Variants in MAP3K1 observed in about 807,000 individuals in gnomAD.
MAP3K1 encodes the protein mitogen-activated protein kinase kinase kinase 1.
Under a neutral mutation model 144.2 loss-of-function variants are expected in MAP3K1, and 36 were observed. That is an observed-to-expected ratio of 0.25 (90% CI 0.19 to 0.33). The LOEUF is 0.33. Among genes scored for constraint, MAP3K1 ranks in the 10% least tolerant of loss-of-function variants. MAP3K1 has a pLI of 1.00. For missense variants in MAP3K1, 1,650 were observed against 1,881.9 expected (o/e 0.88, Z 2.28); for synonymous variants, 718 against 688.7 (o/e 1.04, Z -0.67).
At chr5:56,878,350 AGATGACGGGTC>A (rs1748102775) in intron 10 of MAP3K1, among the ~76,000 whole-genome samples, 1 of 152,160 alleles carries the variant, frequency 6.6e-6, no homozygotes, top group South Asian at 2.1e-4. Flanking sequence ...TACCTAATGT[AGATGACGGGTC>A]GATGGATGCA....
intron 1 of MAP3K1, among the ~76,000 whole-genome samples, chr5:56,830,393 C>T (rs1431157669): frequency 6.6e-6 from 1 of 152,116 alleles, no homozygotes; most frequent in African/African-American, 2.4e-5. Flanking sequence ...TACTTTCCCT[C>T]TCTCTTTCTT....
intron 1 of MAP3K1, among the ~76,000 whole-genome samples, chr5:56,850,203 T>C (rs531738260): frequency 1.2e-4 from 18 of 152,324 alleles, no homozygotes; most frequent in African/African-American, 3.4e-4. Context: ...CTCAGTAATA[T>C]GGCTTATGAG....
chr5:56,870,836 C>T (rs866552416), intron 6 of MAP3K1, among the ~76,000 whole-genome samples: 3 of 151,978 alleles, frequency 2.0e-5, no homozygotes, highest in Non-Finnish European at 2.9e-5. Flanking sequence ...AAATATGTAG[C>T]GATAACATCC....
intron 1 of MAP3K1, among the ~76,000 whole-genome samples, chr5:56,821,816 C>T (rs1746160880): frequency 6.6e-6 from 1 of 152,144 alleles, no homozygotes; most frequent in South Asian, 2.1e-4. Context: ...TTCTTTGCAC[C>T]ATCTCCCAGC....
chr5:56,832,865 T>TTTTTG (rs1382797805), intron 1 of MAP3K1, among the ~76,000 whole-genome samples: 73 of 152,278 alleles, frequency 4.8e-4, no homozygotes, highest in African/African-American at 1.8e-3. Context: ...GCATTTTAAG[T>TTTTTG]TTTTGTTTTG....
intron 1 of MAP3K1, among the ~76,000 whole-genome samples, chr5:56,846,896 C>T (rs1483313916): frequency 6.6e-6 from 1 of 152,138 alleles, no homozygotes; most frequent in African/African-American, 2.4e-5. Context: ...CAGAACATCT[C>T]AATTCTATTA....
At chr5:56,841,460 T>C (rs772304191) in intron 1 of MAP3K1, among the ~76,000 whole-genome samples, 4 of 152,178 alleles carry the variant, frequency 2.6e-5, no homozygotes, top group Non-Finnish European at 4.4e-5. Context: ...ACAAGGGGTC[T>C]GCAGATCCAC....
At chr5:56,824,370 ATGT>A (rs1231176503) in intron 1 of MAP3K1, among the ~76,000 whole-genome samples, 2 of 152,226 alleles carry the variant, frequency 1.3e-5, no homozygotes, top group African/African-American at 4.8e-5. Context: ...CTTATTTCAG[ATGT>A]TGTTCATGCA....
In MAP3K1 at chr5:56,856,636, G is replaced by A. The variant is rs200381937; in HGVS notation, c.519G>A (p.Leu173=). The A allele has an allele frequency of 2.5e-6, 4 of 1,613,902 alleles. No homozygotes were observed. Among genetic ancestry groups the A allele is most frequent in the Non-Finnish European group, 3.4e-6 (4 of 1,179,842 alleles). ...EMENKETLKG[L]HKMDDRPEER... ...AGAATAAAGAAACTCTCAAAGGGTT[G>A]CACAAGATGGATGATCGTCCAGAGG... The change falls in exon 2 of 20, where the codon TTG becomes TTA. Residue 173 remains leucine, a synonymous_variant. Coordinates refer to ENST00000399503, the MANE Select transcript of MAP3K1 (RefSeq NM_005921.2).
intron 3 of MAP3K1, among the ~76,000 whole-genome samples, chr5:56,860,747 G>T (rs1475702909): frequency 7.9e-5 from 12 of 152,036 alleles, no homozygotes; most frequent in Admixed American, 6.5e-4. Context: ...CAGCTACTCG[G>T]GGGGCTGAGG....
chr5:56,893,258 G>A (rs1240330159), intron 19 of MAP3K1, among the ~76,000 whole-genome samples: 3 of 152,128 alleles, frequency 2.0e-5, no homozygotes, highest in East Asian at 3.9e-4. Context: ...TGAACATTTT[G>A]ATGTACTTAG....
At chr5:56,867,986 A>G (rs61243567) in intron 6 of MAP3K1, among the ~76,000 whole-genome samples, 15,102 of 152,254 alleles carry the variant, frequency 0.099, 1,218 homozygotes, top group East Asian at 0.35. Context: ...TCTAGGTTAT[A>G]ATAATATATT....
intron 1 of MAP3K1, among the ~76,000 whole-genome samples, chr5:56,824,788 T>C (rs1007336156): frequency 2.6e-5 from 4 of 152,208 alleles, no homozygotes; most frequent in African/African-American, 9.6e-5. Context: ...TAAAAATGGA[T>C]GCTGCTTACC....
At chr5:56,860,947 T>C (rs755948926) in intron 3 of MAP3K1, among the ~76,000 whole-genome samples, 6 of 152,206 alleles carry the variant, frequency 3.9e-5, no homozygotes, top group Admixed American at 6.5e-5. Flanking sequence ...TTTAGAAAGC[T>C]ACTATCCACC....
intron 1 of MAP3K1, among the ~76,000 whole-genome samples, chr5:56,854,695 T>TTG (rs1194524228): frequency 6.6e-6 from 1 of 152,176 alleles, no homozygotes; most frequent in East Asian, 1.9e-4. Context: ...GGAACATCCT[T>TTG]TGTGTGTTTG....
chr5:56,816,525 G>A (rs1432031866), intron 1 of MAP3K1, among the ~76,000 whole-genome samples: 3 of 152,058 alleles, frequency 2.0e-5, no homozygotes, highest in Non-Finnish European at 2.9e-5. Flanking sequence ...GAAGCCCGAG[G>A]TCGGGTGGGA....
In MAP3K1 at chr5:56,815,931, G is replaced by A. The variant is rs1378689705; in HGVS notation, c.358G>A (p.Gly120Ser). The part of the protein sequence containing the change: ...VPPPHGAASR[G>S]GAHLTESVAA... ...GCCGCCCCACGGAGCCGCGAGCCGCGGCGGCGCCCACCTTACCGAGTCGGT... is the reference window on the plus strand; with the variant it reads ...GCCGCCCCACGGAGCCGCGAGCCGCAGCGGCGCCCACCTTACCGAGTCGGT... The change falls in exon 1 of 20, where the codon GGC (glycine) becomes AGC (serine). Residue 120 changes from glycine to serine, a missense_variant. By Grantham distance (56) the Gly-to-Ser change is moderately conservative. This residue lies in a region of MAP3K1 where 360 missense variants were observed against 274.7 expected (regional missense o/e 1.31). Coordinates refer to ENST00000399503, the MANE Select transcript of MAP3K1 (RefSeq NM_005921.2). 4.8e-6 allele frequency: 6 copies of A among 1,261,638 alleles called. No individual in the cohort carries two copies. Among genetic ancestry groups the A allele is most frequent in the Non-Finnish European group, 5.0e-6 (5 of 1,006,130 alleles). 78.2% of individuals were successfully genotyped at this position (1,261,638 alleles called of 1,614,324 possible). A position where few individuals can be genotyped will look rare whatever the true frequency, so the allele number is the denominator to read the frequency against.
chr5:56,859,254 A>G (rs563834650), intron 2 of MAP3K1, among the ~76,000 whole-genome samples: 1 of 152,280 alleles, frequency 6.6e-6, no homozygotes, highest in South Asian at 2.1e-4. Context: ...ATTTGAAATT[A>G]TGCCCAGTGT....
intron 1 of MAP3K1, among the ~76,000 whole-genome samples, chr5:56,854,200 G>A (rs982628900): frequency 6.6e-6 from 1 of 151,958 alleles, no homozygotes; most frequent in Non-Finnish European, 1.5e-5. Context: ...TTGGGAGGCC[G>A]AGGTGGGTGG....
Sources: allele counts gnomAD v4.1 joint callset (sites outside exome capture counted in the v4.1 genomes callset), GRCh38; gene constraint gnomAD v4.1.1; regional missense constraint gnomAD v4.1.1; transcripts MANE v1.5; gene names NCBI Gene and HGNC (gene_info 2026-07-23, HGNC 2026-07-21).